Variants in DLGAP2 observed in about 807,000 individuals in gnomAD.
DLGAP2 encodes DLG associated protein 2.
A neutral mutation model predicts 100.3 loss-of-function variants in DLGAP2; 26 were observed. The ratio of observed to expected loss-of-function variants is 0.26; its 90% CI spans 0.19 to 0.36. The LOEUF (loss-of-function observed/expected upper bound fraction) is 0.36, where lower values mean the gene tolerates loss of function less well. Among genes scored for constraint, DLGAP2 ranks in the 10% least tolerant of loss-of-function variants. The probability of loss-of-function intolerance (pLI) is 1.00; values close to 1 mark genes in which losing one functional copy is unlikely to be tolerated. For missense variants in DLGAP2, 1,858 were observed against 1,453.2 expected, an observed-to-expected ratio of 1.28 and a Z score of -4.53; for synonymous variants, 886 against 630.1, an observed-to-expected ratio of 1.41 and a Z score of -6.08.
In DLGAP2 at chr8:1,610,865, A is replaced by G. The variant is rs529121250; in HGVS notation, c.1443-15875A>G. ...AAGAAGTTGAATCTCTGAATAGACCAATAACAGGAGCTGAAATTGTGGCAA... is the reference window on the plus strand; with the variant it reads ...AAGAAGTTGAATCTCTGAATAGACCGATAACAGGAGCTGAAATTGTGGCAA... On this transcript the variant is annotated intron_variant, in intron 6 of 14. Transcript: ENST00000637795. 2.6e-3 allele frequency among the ~76,000 whole-genome samples: 366 copies of G among 139,668 alleles called. 4 individuals are homozygous for G. Among genetic ancestry groups the G allele is most frequent in the African/African-American group, 7.0e-3 (238 of 33,924 alleles). The allele number at this position is 139,668 out of a possible 152,430, so 91.6% of individuals were successfully genotyped here.
At chr8:805,733 T>C (rs1327156154) in intron 1 of DLGAP2, among the ~76,000 whole-genome samples, 1 of 152,192 alleles carries the variant, frequency 6.6e-6, no homozygotes, top group Non-Finnish European at 1.5e-5. Flanking sequence ...CCTGAGTAGC[T>C]GGGACTACTC....
intron 2 of DLGAP2, among the ~76,000 whole-genome samples, chr8:1,177,369 C>G (rs145416061): frequency 1.3e-5 from 2 of 152,148 alleles, no homozygotes; most frequent in South Asian, 2.1e-4. Context: ...TTTACCAGAT[C>G]GAAAAATGTG....
At chr8:1,206,346 C>G (rs796382816) in intron 2 of DLGAP2, among the ~76,000 whole-genome samples, 2 of 144,326 alleles carry the variant, frequency 1.4e-5, no homozygotes, top group Admixed American at 1.4e-4. Context: ...AATGGTTAAT[C>G]TCCAGCCATC....
chr8:801,457 A>C (rs1796149956), intron 1 of DLGAP2, among the ~76,000 whole-genome samples: 1 of 152,218 alleles, frequency 6.6e-6, no homozygotes, highest in Admixed American at 6.5e-5. Context: ...TGCCCTCATT[A>C]GGATGGAGCA....
At chr8:1,138,053 C>G (rs77021583) in intron 2 of DLGAP2, among the ~76,000 whole-genome samples, 4,470 of 152,302 alleles carry the variant, frequency 0.029, 236 homozygotes, top group African/African-American at 0.1. Flanking sequence ...TCGATGGAAG[C>G]TTTTCACATC....
chr8:1,350,013 C>T (rs1204870551), intron 3 of DLGAP2, among the ~76,000 whole-genome samples: 3 of 152,080 alleles, frequency 2.0e-5, no homozygotes, highest in Admixed American at 1.3e-4. Flanking sequence ...AACCTTACAA[C>T]TAATATAAAG....
intron 1 of DLGAP2, among the ~76,000 whole-genome samples, chr8:772,339 T>C (rs1821384922): frequency 1.3e-5 from 2 of 152,196 alleles, no homozygotes; most frequent in Non-Finnish European, 2.9e-5. Context: ...ATAATTTTTT[T>C]TGAGACAGAG....
intron 2 of DLGAP2, among the ~76,000 whole-genome samples, chr8:1,191,196 G>T (rs1223560721): frequency 3.4e-5 from 5 of 148,122 alleles, no homozygotes; most frequent in Non-Finnish European, 7.4e-5. Context: ...TTTTGAGACG[G>T]AATCTCACTC....
intron 2 of DLGAP2, among the ~76,000 whole-genome samples, chr8:938,089 C>T (rs542343429): frequency 3.9e-5 from 6 of 152,162 alleles, no homozygotes; most frequent in Admixed American, 3.3e-4. Context: ...AGGGGTGCTG[C>T]GCTTCCTGAC....
intron 3 of DLGAP2, among the ~76,000 whole-genome samples, chr8:1,433,034 A>G (rs1369061164): frequency 1.3e-5 from 2 of 152,088 alleles, no homozygotes; most frequent in Non-Finnish European, 2.9e-5. Flanking sequence ...TGCTCTCCTC[A>G]TGATTCTGCC....
At chr8:1,062,189 G>A (rs1266434803) in intron 2 of DLGAP2, among the ~76,000 whole-genome samples, 1 of 152,154 alleles carries the variant, frequency 6.6e-6, no homozygotes, top group Non-Finnish European at 1.5e-5. Flanking sequence ...GCACCAAGCA[G>A]CCCCCACATC....
chr8:1,228,853 C>G (rs1798476258), intron 2 of DLGAP2, among the ~76,000 whole-genome samples: 2 of 152,118 alleles, frequency 1.3e-5, no homozygotes, highest in Admixed American at 6.6e-5. Flanking sequence ...AAAATTTTGC[C>G]TCAGTGACCG....
At chr8:1,163,964 C>T (rs1796943129) in intron 2 of DLGAP2, among the ~76,000 whole-genome samples, 1 of 152,226 alleles carries the variant, frequency 6.6e-6, no homozygotes, top group South Asian at 2.1e-4. Context: ...CCTGCCAGGC[C>T]TCCTAGACGA....
intron 2 of DLGAP2, among the ~76,000 whole-genome samples, chr8:939,019 C>T (rs1799135510): frequency 6.6e-6 from 1 of 152,246 alleles, no homozygotes; most frequent in African/African-American, 2.4e-5. Context: ...AGAGCAGCCA[C>T]CGGCAGGGCT....
chr8:1,244,511 C>T (rs1440913523), intron 2 of DLGAP2, among the ~76,000 whole-genome samples: 4 of 152,160 alleles, frequency 2.6e-5, no homozygotes, highest in African/African-American at 7.2e-5. Context: ...GAGGCTGCCT[C>T]ACCAAAGGGT....
chr8:903,699 C>T (rs999169714), intron 1 of DLGAP2, among the ~76,000 whole-genome samples: 3 of 152,130 alleles, frequency 2.0e-5, no homozygotes, highest in Admixed American at 2.0e-4. Flanking sequence ...CCCGCCCGCA[C>T]CCCGGTGATG....
At chr8:833,720 C>T (rs956042166) in intron 1 of DLGAP2, among the ~76,000 whole-genome samples, 2 of 152,156 alleles carry the variant, frequency 1.3e-5, no homozygotes, top group Non-Finnish European at 2.9e-5. Flanking sequence ...CTTTGGGGGT[C>T]ATTATTCTGC....
chr8:1,119,095 C>T, intron 2 of DLGAP2, among the ~76,000 whole-genome samples: 1 of 152,214 alleles, frequency 6.6e-6, no homozygotes, highest in East Asian at 1.9e-4. Context: ...ATTCTATTTT[C>T]AATTGATAAG....
chr8:1,277,977 C>G (rs1799738436), intron 3 of DLGAP2, among the ~76,000 whole-genome samples: 1 of 152,142 alleles, frequency 6.6e-6, no homozygotes, highest in Non-Finnish European at 1.5e-5. Context: ...AGGGATGGGG[C>G]TCATCAAACA....
Sources: gnomAD v4.1 joint callset for allele counts (sites outside exome capture counted in the v4.1 genomes callset) on GRCh38, gnomAD v4.1.1 for gene constraint, MANE v1.5 for transcripts, NCBI Gene and HGNC (gene_info 2026-07-23, HGNC 2026-07-21) for gene names.